EPB41L4A: variants seen among roughly 807,000 people sequenced by gnomAD.
EPB41L4A encodes the protein band 4.1-like protein 4A.
In EPB41L4A, 100 loss-of-function variants were observed where a neutral mutation model predicts 108.6. That is an observed-to-expected ratio of 0.92 (90% confidence interval 0.78 to 1.09). EPB41L4A has a LOEUF of 1.09. Among genes scored for constraint, EPB41L4A ranks in the 50% least tolerant of loss-of-function variants. The pLI is 0.00. For synonymous variants in EPB41L4A, 319 were observed against 289.0 expected (o/e 1.10, Z -1.05); for missense variants, 1,030 against 842.7 (o/e 1.22, Z -2.75).
chr5:112,411,313 C>A (rs1762398021), intron 1 of EPB41L4A, among the ~76,000 whole-genome samples: 1 of 152,094 alleles, frequency 6.6e-6, no homozygotes, highest in Non-Finnish European at 1.5e-5. Context: ...GAACATGATA[C>A]TATTTCTCCT....
At chr5:112,193,628 T>A (rs1452367017) in intron 17 of EPB41L4A, among the ~76,000 whole-genome samples, 1 of 152,142 alleles carries the variant, frequency 6.6e-6, no homozygotes, top group African/African-American at 2.4e-5. Flanking sequence ...GAGAAAAAAA[T>A]TACCCAGAAA....
intron 15 of EPB41L4A, among the ~76,000 whole-genome samples, chr5:112,200,875 T>C (rs1445558829): frequency 6.6e-6 from 1 of 152,264 alleles, no homozygotes; most frequent in Admixed American, 6.5e-5. Flanking sequence ...CAGAATTTGA[T>C]AGCTTGTATC....
chr5:112,274,924 A>T (rs1752517328), intron 4 of EPB41L4A, among the ~76,000 whole-genome samples: 1 of 152,236 alleles, frequency 6.6e-6, no homozygotes, highest in Non-Finnish European at 1.5e-5. Context: ...GCTAATATTT[A>T]AGCTACAACC....
chr5:112,239,127 T>C (rs974727771), intron 11 of EPB41L4A, among the ~76,000 whole-genome samples: 1 of 152,182 alleles, frequency 6.6e-6, no homozygotes, highest in Non-Finnish European at 1.5e-5. Flanking sequence ...TTACAGAAGA[T>C]TGATAACTAA....
intron 2 of EPB41L4A, among the ~76,000 whole-genome samples, chr5:112,300,576 A>C (rs954206464): frequency 6.6e-6 from 1 of 152,158 alleles, no homozygotes; most frequent in East Asian, 1.9e-4. Flanking sequence ...CACAGCTACT[A>C]AGATTCTTTC....
chr5:112,187,990 C>T (rs1483421499), intron 17 of EPB41L4A, among the ~76,000 whole-genome samples: 5 of 152,266 alleles, frequency 3.3e-5, no homozygotes, highest in Admixed American at 2.6e-4. Flanking sequence ...TGGCAAAGAT[C>T]CTTTCTAGCT....
upstream of EPB41L4A, chr5:112,419,460 G>A: frequency 2.8e-6 from 1 of 362,354 alleles, no homozygotes; most frequent in Non-Finnish European, 5.4e-6. Flanking sequence ...AACCCTGGAA[G>A]CGCTGCACCT....
chr5:112,198,829 G>A (rs1212578985), intron 15 of EPB41L4A, among the ~76,000 whole-genome samples: 1 of 148,904 alleles, frequency 6.7e-6, no homozygotes, highest in African/African-American at 2.4e-5. Context: ...GAAATTCATG[G>A]TTATATTTTT....
In EPB41L4A at chr5:112,259,975, T is replaced by C. The variant is rs1168534458; in HGVS notation, c.647A>G (p.Glu216Gly). The change falls in exon 8 of 23, where the codon GAA becomes GGA. Residue 216 changes from glutamate (E) to glycine (G), a missense_variant. Glu to Gly is a moderately conservative substitution (Grantham distance 98). Transcript: ENST00000261486. ...YGVDLHPVYG[E>G]NKSEYFLGLT... ...TCCTAAGAAATACTCAGACTTGTTT[T>C]CTCCCTGCAAAAACAAACATATGCC... 6.2e-7 allele frequency: 1 copy of C among 1,613,322 alleles called. No homozygotes were observed. The highest frequency in any genetic ancestry group is 8.5e-7 in the Non-Finnish European group (1 of 1,179,402).
chr5:112,171,841 T>G (rs747916525), intron 18 of EPB41L4A, among the ~76,000 whole-genome samples: 3 of 152,318 alleles, frequency 2.0e-5, no homozygotes, highest in East Asian at 1.9e-4. Context: ...GATCTAGTAA[T>G]AGGCCAAAAG....
chr5:112,152,079 T>C (rs1759490561), intron 12 of EPB41L4A, among the ~76,000 whole-genome samples: 1 of 152,018 alleles, frequency 6.6e-6, no homozygotes. Context: ...ATTTGAGAAT[T>C]CCTGAAAAAC....
chr5:112,322,699 GACACACACAC>G (rs111502535), intron 1 of EPB41L4A, among the ~76,000 whole-genome samples: 3 of 145,858 alleles, frequency 2.1e-5, no homozygotes, highest in Admixed American at 1.4e-4. Context: ...TCCACTATGA[GACACACACAC>G]ACACACACAC....
chr5:112,173,922 G>T (rs1239131870), intron 18 of EPB41L4A, among the ~76,000 whole-genome samples: 2 of 152,140 alleles, frequency 1.3e-5, no homozygotes, highest in Admixed American at 1.3e-4. Context: ...GATTGCAGGC[G>T]TGAGCCACTG....
intron 13 of EPB41L4A, among the ~76,000 whole-genome samples, chr5:112,144,104 C>A (rs1311591242): frequency 6.6e-6 from 1 of 152,186 alleles, no homozygotes; most frequent in Non-Finnish European, 1.5e-5. Flanking sequence ...TATAATCATT[C>A]CTTAAAATTA....
chr5:112,284,723 C>T (rs1327874942), intron 2 of EPB41L4A, among the ~76,000 whole-genome samples: 2 of 152,182 alleles, frequency 1.3e-5, no homozygotes, highest in African/African-American at 2.4e-5. Context: ...ACAGTCCTCT[C>T]GGACTCTGCC....
chr5:112,326,467 A>C (rs2150645714), intron 1 of EPB41L4A, among the ~76,000 whole-genome samples: 1 of 149,282 alleles, frequency 6.7e-6, no homozygotes, highest in Admixed American at 6.8e-5. Flanking sequence ...AAATAATTTT[A>C]GTAAAAAACA....
chr5:112,303,292 G>C (rs1754485942), intron 2 of EPB41L4A, among the ~76,000 whole-genome samples: 1 of 152,178 alleles, frequency 6.6e-6, no homozygotes, highest in African/African-American at 2.4e-5. Context: ...ATGCCTGCTA[G>C]AGCTCAATGG....
chr5:112,154,580 A>T (rs1429074356), intron 12 of EPB41L4A, among the ~76,000 whole-genome samples: 1 of 152,244 alleles, frequency 6.6e-6, no homozygotes, highest in Non-Finnish European at 1.5e-5. Context: ...AAAAGACATG[A>T]TATTAATAAT....
At chr5:112,215,400 T>C (rs1187059138) in intron 12 of EPB41L4A, among the ~76,000 whole-genome samples, 1 of 152,218 alleles carries the variant, frequency 6.6e-6, no homozygotes, top group African/African-American at 2.4e-5. Flanking sequence ...AAAATAATAA[T>C]AACTCTAGTG....
Sources: gnomAD v4.1 joint callset for allele counts (sites outside exome capture counted in the v4.1 genomes callset) on GRCh38, gnomAD v4.1.1 for gene constraint, MANE v1.5 for transcripts, NCBI Gene and HGNC (gene_info 2026-07-23, HGNC 2026-07-21) for gene names.